The following KCNN3 variants were observed in gnomAD, a reference collection of about 807,000 sequenced individuals.
KCNN3 encodes small conductance calcium-activated potassium channel protein 3.
A neutral mutation model predicts 62.9 loss-of-function variants in KCNN3; 16 were observed. That is an observed-to-expected ratio of 0.25 (90% CI 0.17 to 0.39). The LOEUF is 0.39. KCNN3 is among the 10% of genes least tolerant of loss of function. The pLI is 1.00. For missense variants in KCNN3, 599 were observed against 949.4 expected (o/e 0.63, Z 4.85); for synonymous variants, 370 against 389.2 (o/e 0.95, Z 0.58).
At chr1:154,736,806 A>G (rs890433761) in intron 3 of KCNN3, among the ~76,000 whole-genome samples, 1 of 152,182 alleles carries the variant, frequency 6.6e-6, no homozygotes, top group Non-Finnish European at 1.5e-5. Flanking sequence ...GGAATTACAT[A>G]TAAATTATGT....
intron 2 of KCNN3, among the ~76,000 whole-genome samples, chr1:154,804,388 C>G (rs145183144): frequency 5.3e-5 from 8 of 152,252 alleles, no homozygotes; most frequent in Admixed American, 5.2e-4. Flanking sequence ...GCTTAGAATT[C>G]ATGATATGCC....
In KCNN3 at chr1:154,809,290, C is replaced by T. The variant is rs1465409273; in HGVS notation, c.1029+12799G>A. ...TCACAGACTGTGAGTAACACGAGAC[C>T]GGGTCCAGTCTGTAGTTCACAGCTC... is the stretch of plus-strand genomic sequence containing the variant. On this transcript the variant is annotated intron_variant, in intron 2 of 7. Coordinates refer to ENST00000271915, the MANE Select transcript of KCNN3 (RefSeq NM_002249.6). The surrounding 1 kb of genome is among the most constrained non-coding windows in gnomAD (Gnocchi z 4.3). Among the ~76,000 whole-genome samples the T allele has an allele frequency of 2.0e-5, 3 of 152,158 alleles. No homozygotes were observed. Among genetic ancestry groups the T allele is most frequent in the Non-Finnish European group, 4.4e-5 (3 of 68,032 alleles).
rs923679606 is a variant in KCNN3, at chr1:154,703,707, G to T, written c.*4269C>A. 6.6e-6 allele frequency: 1 copy of T among 152,116 alleles called. No homozygotes were observed. The highest frequency in any genetic ancestry group is 1.5e-5 in the Non-Finnish European group (1 of 68,038). The allele number at this position is 152,116 out of a possible 1,614,324, so 9.4% of individuals were successfully genotyped here. ...GAGGAGGAAGGTTCTGGAACTACGTGCTAATCCCATATTTCTCCCTGCTGA... is the reference window on the plus strand; with the variant it reads ...GAGGAGGAAGGTTCTGGAACTACGTTCTAATCCCATATTTCTCCCTGCTGA... On this transcript the variant is annotated 3_prime_UTR_variant, in exon 8 of 8. Transcript: ENST00000271915.
intron 3 of KCNN3, among the ~76,000 whole-genome samples, chr1:154,750,810 C>T (rs1196845078): frequency 6.6e-6 from 1 of 152,162 alleles, no homozygotes; most frequent in African/African-American, 2.4e-5. Flanking sequence ...GGGGTCTCTG[C>T]ATACAGTGGG....
intron 1 of KCNN3, among the ~76,000 whole-genome samples, chr1:154,825,181 C>G (rs546039447): frequency 6.6e-6 from 1 of 152,212 alleles, no homozygotes; most frequent in African/African-American, 2.4e-5. Context: ...GGATAGGGTA[C>G]CTGCCACACG....
intron 1 of KCNN3, among the ~76,000 whole-genome samples, chr1:154,864,373 C>G (rs570111542): frequency 1.3e-5 from 2 of 152,388 alleles, no homozygotes; most frequent in South Asian, 4.1e-4. Flanking sequence ...ACTTGGCTAG[C>G]CAAGCCTGCA....
intron 1 of KCNN3, chr1:154,859,695 C>T (rs1415787795): frequency 4.3e-6 from 7 of 1,614,146 alleles, no homozygotes; most frequent in South Asian, 1.1e-5. Flanking sequence ...GGGCACCCAC[C>T]TTTATAGGTC....
intron 1 of KCNN3, among the ~76,000 whole-genome samples, chr1:154,823,463 C>T (rs1650986598): frequency 6.6e-6 from 1 of 152,214 alleles, no homozygotes; most frequent in Non-Finnish European, 1.5e-5. Context: ...TCTCATCCAT[C>T]CTCACAACAG....
Position 154,705,670 on chromosome 1 carries a change from ATG to A in KCNN3, c.*2304_*2305del. 1 of 152,344 alleles carries A rather than the reference ATG, an allele frequency of 6.6e-6. No individual in the cohort carries two copies. The highest frequency in any genetic ancestry group is 3.4e-3 in the Middle Eastern group (1 of 294). The allele number at this position is 152,344 out of a possible 1,614,324, so 9.4% of individuals were successfully genotyped here. A position where few individuals can be genotyped will look rare whatever the true frequency, so the allele number is the denominator to read the frequency against. On this transcript the variant is annotated 3_prime_UTR_variant, in exon 8 of 8. Transcript: ENST00000271915. ...AGGAAGAGTGGCAGTGGAATCTTGCATGTCATTTGGTTGAAATTAAGACTAAA... is the reference window on the plus strand; with the variant it reads ...AGGAAGAGTGGCAGTGGAATCTTGCATCATTTGGTTGAAATTAAGACTAAA...
intron 4 of KCNN3, among the ~76,000 whole-genome samples, chr1:154,729,461 G>A (rs549920456): frequency 6.6e-5 from 10 of 151,982 alleles, no homozygotes; most frequent in Admixed American, 1.3e-4. Flanking sequence ...CTAGAGATTC[G>A]GACCCAAATC....
chr1:154,826,655 C>T (rs1204105610), intron 1 of KCNN3, among the ~76,000 whole-genome samples: 1 of 152,238 alleles, frequency 6.6e-6, no homozygotes, highest in Non-Finnish European at 1.5e-5. Flanking sequence ...CTTTCCTCCC[C>T]TGAGGCTGTG....
rs1446544094 is a variant in KCNN3, at chr1:154,699,199, T to TA, written c.*8776dup. On this transcript the variant is annotated 3_prime_UTR_variant, in exon 8 of 8. Transcript: ENST00000271915. ...GGCACTTGACTTTTTTTTTTTTTTT[T>TA]AATATCCTTTACCTTTTTAATAAAA... 1 of 151,100 alleles carries TA rather than the reference T, an allele frequency of 6.6e-6. No homozygotes were observed. The highest frequency in any genetic ancestry group is 2.4e-5 in the African/African-American group (1 of 41,102). The allele number at this position is 151,100 out of a possible 1,614,324, so 9.4% of individuals were successfully genotyped here.
Position 154,726,030 on chromosome 1 carries a change from C to T in KCNN3, c.1591-4G>A, listed in dbSNP as rs945831717. 42 of 1,609,106 alleles carry T rather than the reference C, an allele frequency of 2.6e-5. No individual in the cohort carries two copies. The highest frequency in any genetic ancestry group is 3.1e-5 in the Non-Finnish European group (37 of 1,176,022). ...CAAGGGCAGTGCAGCCTGCACCCTGCGGGGGGACATCAAGAGGACCAGAGG... is the reference window on the plus strand; with the variant it reads ...CAAGGGCAGTGCAGCCTGCACCCTGTGGGGGGACATCAAGAGGACCAGAGG... On this transcript the variant is annotated splice_region_variant and splice_polypyrimidine_tract_variant and intron_variant, in intron 4 of 7. Coordinates refer to ENST00000271915, the MANE Select transcript of KCNN3 (RefSeq NM_002249.6).
At chr1:154,791,623 C>T (rs903038790) in intron 2 of KCNN3, among the ~76,000 whole-genome samples, 4 of 152,186 alleles carry the variant, frequency 2.6e-5, no homozygotes, top group Non-Finnish European at 5.9e-5. Flanking sequence ...TTCACCCATT[C>T]CTCAAAGGAA....
At chr1:154,815,325 C>CT (rs530066921) in intron 2 of KCNN3, among the ~76,000 whole-genome samples, 24 of 151,952 alleles carry the variant, frequency 1.6e-4, no homozygotes, top group Middle Eastern at 3.4e-3. Context: ...GCTTCCTTCT[C>CT]TTTTTTTTTC....
chr1:154,853,500 T>C (rs1437660489), intron 1 of KCNN3, among the ~76,000 whole-genome samples: 1 of 152,096 alleles, frequency 6.6e-6, no homozygotes. Flanking sequence ...CATGCCCAGC[T>C]AATTTTTTGT....
rs145007529 is a variant in KCNN3, at chr1:154,775,434, G to A, written c.1030-3041C>T. 4.9e-3 allele frequency among the ~76,000 whole-genome samples: 740 copies of A among 152,228 alleles called. 10 individuals are homozygous for A. Among genetic ancestry groups the A allele is most frequent in the African/African-American group, 0.017 (693 of 41,514 alleles). On this transcript the variant is annotated intron_variant, in intron 2 of 7. Transcript: ENST00000271915. ...CTCAGTTTCTCTTTCTCCCTGCTCC[G>A]TACCCTTACAGAGCCATACTGGAGA... is the stretch of plus-strand genomic sequence containing the variant.
At chr1:154,855,076 G>A (rs897679840) in intron 1 of KCNN3, among the ~76,000 whole-genome samples, 1 of 151,976 alleles carries the variant, frequency 6.6e-6, no homozygotes, top group African/African-American at 2.4e-5. Context: ...AAATTAGCCG[G>A]GTGTGATGGC....
intron 2 of KCNN3, among the ~76,000 whole-genome samples, chr1:154,780,200 T>TTC (rs1553233294): frequency 3.2e-5 from 2 of 62,418 alleles, no homozygotes; most frequent in Admixed American, 3.0e-4. Context: ...TTTTCTTTTT[T>TTC]TTTTTTTTTT....
Sources: gnomAD v4.1 joint callset for allele counts (sites outside exome capture counted in the v4.1 genomes callset) on GRCh38, gnomAD v4.1.1 for gene constraint, Gnocchi (gnomAD v3.1) non-coding constraint, MANE v1.5 for transcripts, NCBI Gene and HGNC (gene_info 2026-07-23, HGNC 2026-07-21) for gene names.